The following RBFOX1 variants were observed in gnomAD, a reference collection of about 807,000 sequenced individuals.
The protein encoded by RBFOX1 is RNA binding fox-1 homolog 1, also known as RNA binding protein fox-1 homolog 1.
Under a neutral mutation model 57.7 loss-of-function variants are expected in RBFOX1, and 8 were observed. That is an observed-to-expected ratio of 0.14 (90% CI 0.08 to 0.25). RBFOX1 has a LOEUF of 0.25. Among genes scored for constraint, RBFOX1 ranks in the 10% least tolerant of loss-of-function variants. The pLI is 1.00. For missense variants in RBFOX1, 611 were observed against 548.5 expected (o/e 1.11, Z -1.14); for synonymous variants, 326 against 222.4 (o/e 1.47, Z -4.15).
chr16:7,705,092 C>G (rs2082010685), intron 14 of RBFOX1, among the ~76,000 whole-genome samples: 1 of 150,048 alleles, frequency 6.7e-6, no homozygotes, highest in Non-Finnish European at 1.5e-5. Flanking sequence ...AGAAGCATCT[C>G]TTCATCTCTC....
intron 3 of RBFOX1, among the ~76,000 whole-genome samples, chr16:5,641,063 T>A (rs2048853708): frequency 7.2e-6 from 1 of 138,522 alleles, no homozygotes; most frequent in Non-Finnish European, 1.5e-5. Flanking sequence ...CATACACCCA[T>A]GCACACCATA....
At chr16:7,025,952 G>A (rs989195148) in intron 3 of RBFOX1, among the ~76,000 whole-genome samples, 2 of 152,314 alleles carry the variant, frequency 1.3e-5, no homozygotes, top group South Asian at 4.1e-4. Context: ...TGGAAAGAGA[G>A]CCAGGTCTAG....
At chr16:6,143,911 T>C (rs973561649) in intron 1 of RBFOX1, among the ~76,000 whole-genome samples, 2 of 151,478 alleles carry the variant, frequency 1.3e-5, no homozygotes, top group Non-Finnish European at 2.9e-5. Context: ...TCTTCCCACA[T>C]CAGTGTCCTC....
At chr16:6,486,567 T>C (rs2095486858) in intron 2 of RBFOX1, among the ~76,000 whole-genome samples, 1 of 152,150 alleles carries the variant, frequency 6.6e-6, no homozygotes, top group African/African-American at 2.4e-5. Flanking sequence ...GGATTAAAAG[T>C]CCTCTCTATG....
intron 4 of RBFOX1, among the ~76,000 whole-genome samples, chr16:5,942,854 G>A (rs1323182524): frequency 6.6e-6 from 1 of 152,206 alleles, no homozygotes; most frequent in Admixed American, 6.5e-5. Context: ...ACTAAGATGA[G>A]GATGGGAGCT....
intron 4 of RBFOX1, among the ~76,000 whole-genome samples, chr16:5,887,916 C>G (rs541826454): frequency 6.6e-6 from 1 of 152,278 alleles, no homozygotes; most frequent in East Asian, 1.9e-4. Context: ...ATGAAGATTT[C>G]CACTATTCTG....
At chr16:7,661,470 C>G (rs756727400) in intron 12 of RBFOX1, among the ~76,000 whole-genome samples, 2 of 152,154 alleles carry the variant, frequency 1.3e-5, no homozygotes, top group African/African-American at 4.8e-5. Context: ...TCCTCTCTAC[C>G]GAGCCAAGGC....
intron 3 of RBFOX1, among the ~76,000 whole-genome samples, chr16:5,786,775 A>C (rs939248098): frequency 7.2e-5 from 11 of 152,180 alleles, no homozygotes; most frequent in East Asian, 1.9e-4. Flanking sequence ...TAATGAGATG[A>C]CAGTGAGAAA....
chr16:7,465,320 G>A (rs1387088917), intron 4 of RBFOX1, among the ~76,000 whole-genome samples: 1 of 152,212 alleles, frequency 6.6e-6, no homozygotes, highest in African/African-American at 2.4e-5. Context: ...GCCTTCTCGT[G>A]TTGGGTGGGA....
At chr16:5,248,440 G>A (rs1279669082) in intron 1 of RBFOX1, among the ~76,000 whole-genome samples, 1 of 152,306 alleles carries the variant, frequency 6.6e-6, no homozygotes, top group East Asian at 1.9e-4. Flanking sequence ...CTGTATTCTG[G>A]GGGCAGCCTT....
At chr16:5,960,016 C>T (rs1291989949) in intron 4 of RBFOX1, among the ~76,000 whole-genome samples, 2 of 152,126 alleles carry the variant, frequency 1.3e-5, no homozygotes, top group Non-Finnish European at 2.9e-5. Context: ...GCCTTGCCAA[C>T]ATGGTGAAAC....
intron 2 of RBFOX1, among the ~76,000 whole-genome samples, chr16:5,595,325 C>T (rs1234285348): frequency 6.6e-6 from 1 of 152,174 alleles, no homozygotes; most frequent in Non-Finnish European, 1.5e-5. Flanking sequence ...CTGCCTGGGT[C>T]ACTGTCTTAA....
In RBFOX1 at chr16:7,197,719, C is replaced by A. The variant is rs527499600; in HGVS notation, c.27+145621C>A. 1.4e-4 allele frequency among the ~76,000 whole-genome samples: 22 copies of A among 152,280 alleles called. 1 individual carries two copies. Among genetic ancestry groups the A allele is most frequent in the African/African-American group, 3.4e-4 (14 of 41,548 alleles). On this transcript the variant is annotated intron_variant, in intron 4 of 15. Coordinates refer to ENST00000550418, the MANE Select transcript of RBFOX1 (RefSeq NM_018723.4). ...TGTGGATAAACTAAATGTGGTATAT[C>A]CCTGTAGTAGAACGTTATTCAACAG...
chr16:5,487,780 A>G (rs2042679589), intron 2 of RBFOX1, among the ~76,000 whole-genome samples: 1 of 152,106 alleles, frequency 6.6e-6, no homozygotes, highest in Admixed American at 6.6e-5. Context: ...GGTATGCATT[A>G]TCTCCCTGAA....
At chr16:6,196,016 A>G (rs968122466) in intron 1 of RBFOX1, among the ~76,000 whole-genome samples, 4 of 152,220 alleles carry the variant, frequency 2.6e-5, no homozygotes, top group Non-Finnish European at 5.9e-5. Context: ...AGTACTTGTA[A>G]TATTCATAAT....
At chr16:6,542,338 G>T (rs571752157) in intron 2 of RBFOX1, among the ~76,000 whole-genome samples, 4 of 152,064 alleles carry the variant, frequency 2.6e-5, no homozygotes, top group African/African-American at 9.7e-5. Context: ...GGGCTGGATT[G>T]TGGGGTGTTC....
chr16:5,790,284 C>G (rs2054645670), intron 3 of RBFOX1, among the ~76,000 whole-genome samples: 1 of 152,062 alleles, frequency 6.6e-6, no homozygotes, highest in South Asian at 2.1e-4. Context: ...AGTTGTGTAA[C>G]CAGGAAGAAT....
At chr16:5,742,263 C>G (rs1296129133) in intron 3 of RBFOX1, among the ~76,000 whole-genome samples, 3 of 144,748 alleles carry the variant, frequency 2.1e-5, no homozygotes, top group Non-Finnish European at 4.5e-5. Flanking sequence ...TCCCTTCCTT[C>G]TTTCCTTTCT....
intron 3 of RBFOX1, among the ~76,000 whole-genome samples, chr16:5,834,687 G>GTAGATAGA (rs151197873): frequency 0.17 from 22,936 of 134,556 alleles, 2,103 homozygotes; most frequent in Non-Finnish European, 0.19. Context: ...AATGGGATAG[G>GTAGATAGA]TAGATAGATA....
Sources: allele counts gnomAD v4.1 joint callset (sites outside exome capture counted in the v4.1 genomes callset), GRCh38; gene constraint gnomAD v4.1.1; transcripts MANE v1.5; gene names NCBI Gene and HGNC (gene_info 2026-07-23, HGNC 2026-07-21).